DENND1B: variants seen among roughly 807,000 people sequenced by gnomAD.
The protein encoded by DENND1B is DENN domain-containing protein 1B.
In DENND1B, 59 loss-of-function variants were observed where a neutral mutation model predicts 90.1. The ratio of observed to expected loss-of-function variants is 0.65; its 90% CI spans 0.53 to 0.81. DENND1B has a LOEUF of 0.81. Among genes scored for constraint, DENND1B ranks in the 40% least tolerant of loss-of-function variants. The pLI is 0.00. For synonymous variants in DENND1B, 337 were observed against 324.6 expected, an observed-to-expected ratio of 1.04 and a Z score of -0.41; for missense variants, 862 against 912.6, an observed-to-expected ratio of 0.94 and a Z score of 0.71.
chr1:197,720,038 A>G (rs1661012249), intron 2 of DENND1B, among the ~76,000 whole-genome samples: 1 of 152,146 alleles, frequency 6.6e-6, no homozygotes, highest in Non-Finnish European at 1.5e-5. Context: ...AAAAATAGCA[A>G]ATCAATTTCC....
chr1:197,681,666 C>T (rs1656706329), intron 3 of DENND1B, among the ~76,000 whole-genome samples: 1 of 152,206 alleles, frequency 6.6e-6, no homozygotes. Flanking sequence ...CTATCATTGC[C>T]TTGTATTACA....
At chr1:197,521,485 A>G (rs1668773062) in intron 20 of DENND1B, among the ~76,000 whole-genome samples, 2 of 152,042 alleles carry the variant, frequency 1.3e-5, no homozygotes, top group South Asian at 2.1e-4. Flanking sequence ...TAATACATAA[A>G]TTTTTTGAAA....
chr1:197,522,883 G>A (rs1313053896), intron 20 of DENND1B, among the ~76,000 whole-genome samples: 2 of 152,186 alleles, frequency 1.3e-5, no homozygotes, highest in Middle Eastern at 3.4e-3. Flanking sequence ...AAAAAAATCT[G>A]CTAAAATGTC....
At position 197,658,166 on chromosome 1, in the gene DENND1B, A is replaced by G. The variant is rs1328418272; in HGVS notation, c.366+134T>C. The G allele has an allele frequency of 4.1e-6, 3 of 727,222 alleles. No individual in the cohort carries two copies. In the African/African-American group the frequency reaches 5.3e-5, roughly 13 times the overall value. 45.0% of individuals were successfully genotyped at this position (727,222 alleles called of 1,614,324 possible). A position where few individuals can be genotyped will look rare whatever the true frequency, so the allele number is the denominator to read the frequency against. On this transcript the variant is annotated intron_variant, in intron 6 of 22. Transcript: ENST00000620048. The stretch of plus-strand genomic sequence containing the variant: ...TTAGACTGGCAAGGAAAAAAGATGT[A>G]TGGTATTGATGATTGCAGATCAACA...
chr1:197,687,531 G>A (rs1657377512), intron 3 of DENND1B, among the ~76,000 whole-genome samples: 1 of 152,010 alleles, frequency 6.6e-6, no homozygotes, highest in Non-Finnish European at 1.5e-5. Flanking sequence ...AATCTTCTAA[G>A]CAAGAAATTT....
At chr1:197,652,819 C>T (rs1016737016) in intron 6 of DENND1B, among the ~76,000 whole-genome samples, 6 of 152,156 alleles carry the variant, frequency 3.9e-5, no homozygotes, top group African/African-American at 1.2e-4. Flanking sequence ...CTGGTCACTA[C>T]TTGACCCACA....
chr1:197,663,856 G>C (rs774865697), intron 5 of DENND1B, among the ~76,000 whole-genome samples: 2 of 151,930 alleles, frequency 1.3e-5, no homozygotes, highest in Admixed American at 1.3e-4. Flanking sequence ...AAATCCTACC[G>C]ACTACTCACT....
At chr1:197,540,903 A>C in intron 19 of DENND1B, 56 bp downstream of exon 19, 1 of 1,497,318 alleles carries the variant, frequency 6.7e-7, no homozygotes, top group Non-Finnish European at 9.2e-7. Context: ...TGGAAGTATA[A>C]ACTTCAAACT....
At chr1:197,633,540 G>A (rs1244545951) in intron 10 of DENND1B, among the ~76,000 whole-genome samples, 1 of 152,104 alleles carries the variant, frequency 6.6e-6, no homozygotes, top group Non-Finnish European at 1.5e-5. Context: ...GCTCATCAAG[G>A]GCTGGCTCCT....
intron 2 of DENND1B, among the ~76,000 whole-genome samples, chr1:197,767,329 T>C (rs1655820454): frequency 6.6e-6 from 1 of 151,914 alleles, no homozygotes; most frequent in South Asian, 2.1e-4. Context: ...CTAGTGTAGA[T>C]AGTATCACTA....
At chr1:197,626,560 C>T (rs1169417816) in intron 10 of DENND1B, among the ~76,000 whole-genome samples, 1 of 152,188 alleles carries the variant, frequency 6.6e-6, no homozygotes, top group East Asian at 1.9e-4. Context: ...ACTAAATGCC[C>T]TCAAGAGAAA....
chr1:197,678,878 C>T (rs904859998), intron 3 of DENND1B, among the ~76,000 whole-genome samples: 1 of 151,988 alleles, frequency 6.6e-6, no homozygotes, highest in African/African-American at 2.4e-5. Flanking sequence ...AAACTTAGGG[C>T]CAAAAAGGAA....
intron 2 of DENND1B, among the ~76,000 whole-genome samples, chr1:197,716,565 C>T (rs1386220500): frequency 6.6e-6 from 1 of 151,452 alleles, no homozygotes; most frequent in Non-Finnish European, 1.5e-5. Context: ...GCAGTTTTAC[C>T]AAAATGGTAG....
At chr1:197,737,094 C>G (rs1191560124) in intron 2 of DENND1B, among the ~76,000 whole-genome samples, 2 of 152,172 alleles carry the variant, frequency 1.3e-5, no homozygotes, top group Non-Finnish European at 2.9e-5. Flanking sequence ...ATTCCTAACT[C>G]TATCCCAGTT....
chr1:197,645,983 A>C (rs1374095969), intron 8 of DENND1B, among the ~76,000 whole-genome samples: 2 of 151,886 alleles, frequency 1.3e-5, no homozygotes, highest in Non-Finnish European at 2.9e-5. Flanking sequence ...TAAAATTAAA[A>C]TTAAAATAGG....
intron 20 of DENND1B, among the ~76,000 whole-genome samples, chr1:197,528,739 A>C (rs985111659): frequency 4.6e-5 from 7 of 151,044 alleles, no homozygotes; most frequent in African/African-American, 1.7e-4. Flanking sequence ...GGGCGCCTGT[A>C]GTCCCAGCTA....
chr1:197,525,252 T>C (rs1359966184), intron 20 of DENND1B, among the ~76,000 whole-genome samples: 6 of 152,232 alleles, frequency 3.9e-5, no homozygotes. Flanking sequence ...TGTTTCATTA[T>C]TTTTTTCTGG....
chr1:197,660,522 G>A (rs1248923651), intron 5 of DENND1B, among the ~76,000 whole-genome samples: 1 of 151,822 alleles, frequency 6.6e-6, no homozygotes, highest in Non-Finnish European at 1.5e-5. Flanking sequence ...TCAGACATGA[G>A]TCTCCAGACT....
intron 2 of DENND1B, among the ~76,000 whole-genome samples, chr1:197,748,491 T>G (rs1232644197): frequency 1.3e-5 from 2 of 152,126 alleles, no homozygotes; most frequent in African/African-American, 4.8e-5. Flanking sequence ...TCAGCTGACC[T>G]TAAAATAGGG....
Sources: allele counts gnomAD v4.1 joint callset (sites outside exome capture counted in the v4.1 genomes callset), GRCh38; gene constraint gnomAD v4.1.1; transcripts MANE v1.5; gene names NCBI Gene and HGNC (gene_info 2026-07-23, HGNC 2026-07-21).